SEMA3A: variants seen among roughly 807,000 people sequenced by gnomAD.
SEMA3A encodes the protein semaphorin 3A.
In SEMA3A, 29 loss-of-function variants were observed where a neutral mutation model predicts 97.9. The ratio of observed to expected loss-of-function variants is 0.30; its 90% CI spans 0.22 to 0.40. The LOEUF (loss-of-function observed/expected upper bound fraction) is 0.40, where lower values mean the gene tolerates loss of function less well. Among genes scored for constraint, SEMA3A ranks in the 10% least tolerant of loss-of-function variants. The pLI is 1.00. For missense variants in SEMA3A, 763 were observed against 951.3 expected (o/e 0.80, Z 2.60); for synonymous variants, 321 against 323.7 (o/e 0.99, Z 0.09).
intron 3 of SEMA3A, among the ~76,000 whole-genome samples, chr7:84,111,359 T>G (rs547657287): frequency 6.6e-6 from 1 of 152,292 alleles, no homozygotes; most frequent in Non-Finnish European, 1.5e-5. Flanking sequence ...ACTTTTCAAG[T>G]GAAAGCTCAG....
At chr7:84,400,431 A>T (rs1364783318) in intron 1 of SEMA3A, among the ~76,000 whole-genome samples, 1 of 152,246 alleles carries the variant, frequency 6.6e-6, no homozygotes, top group South Asian at 2.1e-4. Flanking sequence ...GATAAATTTA[A>T]CAAAGAAATT....
chr7:84,329,556 A>T (rs1801862345), intron 2 of SEMA3A, among the ~76,000 whole-genome samples: 1 of 152,050 alleles, frequency 6.6e-6, no homozygotes, highest in Non-Finnish European at 1.5e-5. Context: ...ATCAAAGAAG[A>T]AACATGCACA....
At chr7:84,293,011 A>C (rs879025771) in intron 3 of SEMA3A, among the ~76,000 whole-genome samples, 1 of 152,068 alleles carries the variant, frequency 6.6e-6, no homozygotes, top group African/African-American at 2.4e-5. Context: ...GTAGAAATTT[A>C]AAAACAGTTC....
At chr7:84,055,523 T>C (rs1792929481) in intron 5 of SEMA3A, among the ~76,000 whole-genome samples, 1 of 152,120 alleles carries the variant, frequency 6.6e-6, no homozygotes, top group African/African-American at 2.4e-5. Context: ...CCTGACCCCT[T>C]GCGCTTCCCG....
chr7:84,282,929 G>A (rs1017299263), intron 3 of SEMA3A, among the ~76,000 whole-genome samples: 5 of 152,082 alleles, frequency 3.3e-5, no homozygotes, highest in South Asian at 4.2e-4. Flanking sequence ...CAGGAGAATC[G>A]CTTGAACCTG....
At chr7:84,016,172 A>G (rs948759647) in intron 6 of SEMA3A, among the ~76,000 whole-genome samples, 4 of 152,130 alleles carry the variant, frequency 2.6e-5, no homozygotes, top group African/African-American at 4.8e-5. Flanking sequence ...GTCACAAACT[A>G]AAGAATTACT....
chr7:84,049,843 T>A (rs1792529943), intron 5 of SEMA3A, among the ~76,000 whole-genome samples: 1 of 147,590 alleles, frequency 6.8e-6, no homozygotes, highest in Non-Finnish European at 1.5e-5. Context: ...TAGGTATATC[T>A]CCCAATGCTA....
At position 84,002,064 on chromosome 7, in the gene SEMA3A, GAGA is replaced by G; in HGVS notation, c.1361-21_1361-19del. The G allele has an allele frequency of 7.0e-7, 1 of 1,434,122 alleles. No homozygotes were observed. Among genetic ancestry groups the G allele is most frequent in the Middle Eastern group, 1.8e-4 (1 of 5,712 alleles). 88.8% of individuals were successfully genotyped at this position (1,434,122 alleles called of 1,614,324 possible). A position where few individuals can be genotyped will look rare whatever the true frequency, so the allele number is the denominator to read the frequency against. On this transcript the variant is annotated intron_variant, in intron 11 of 16. Coordinates refer to ENST00000265362, the MANE Select transcript of SEMA3A (RefSeq NM_006080.3). Reference sequence around the variant, plus strand: ...CCCAACATCTTTGAAAGAAAGTGGGGAGAAGACCACAAGTTAAGTAGATCTGAA... The same window carrying G: ...CCCAACATCTTTGAAAGAAAGTGGGGAGACCACAAGTTAAGTAGATCTGAA...
At chr7:84,249,404 T>TATCTATCTATCTATCTA (rs1554351595) in intron 3 of SEMA3A, among the ~76,000 whole-genome samples, 1 of 151,950 alleles carries the variant, frequency 6.6e-6, no homozygotes, top group Admixed American at 6.6e-5. Flanking sequence ...TCTATCTATC[T>TATCTATCTATCTATCTA]ATCTATCTAT....
chr7:84,226,493 A>C (rs1407204360), intron 3 of SEMA3A, among the ~76,000 whole-genome samples: 1 of 152,118 alleles, frequency 6.6e-6, no homozygotes, highest in Non-Finnish European at 1.5e-5. Flanking sequence ...TGCAGTAAAA[A>C]TCATATCTAT....
At chr7:84,274,949 G>T (rs2115718515) in intron 3 of SEMA3A, among the ~76,000 whole-genome samples, 1 of 151,926 alleles carries the variant, frequency 6.6e-6, no homozygotes, top group East Asian at 1.9e-4. Flanking sequence ...CTTACTTGGA[G>T]CCAAGTCCAC....
intron 3 of SEMA3A, among the ~76,000 whole-genome samples, chr7:84,213,008 G>A (rs2116321967): frequency 6.6e-6 from 1 of 152,124 alleles, no homozygotes; most frequent in East Asian, 1.9e-4. Flanking sequence ...TTGTTGCCCA[G>A]GCTGGAGTGC....
intron 4 of SEMA3A, among the ~76,000 whole-genome samples, chr7:84,085,475 A>T (rs1411826816): frequency 6.6e-6 from 1 of 152,140 alleles, no homozygotes; most frequent in African/African-American, 2.4e-5. Flanking sequence ...AACTGTAGTA[A>T]GACCAGGAGA....
chr7:84,172,950 T>C (rs958871267), intron 1 of SEMA3A, among the ~76,000 whole-genome samples: 1 of 152,230 alleles, frequency 6.6e-6, no homozygotes, highest in African/African-American at 2.4e-5. Flanking sequence ...CTGAGATATG[T>C]ACCTGGGAAA....
chr7:84,143,932 CTCTCT>C (rs1796380526), intron 1 of SEMA3A, among the ~76,000 whole-genome samples: 1 of 141,606 alleles, frequency 7.1e-6, no homozygotes, highest in Non-Finnish European at 1.5e-5. Flanking sequence ...CTCTCTCTCT[CTCTCT>C]CTCTCTCTCT....
At chr7:84,135,771 C>A (rs1009675103) in intron 1 of SEMA3A, among the ~76,000 whole-genome samples, 1 of 151,910 alleles carries the variant, frequency 6.6e-6, no homozygotes, top group South Asian at 2.1e-4. Flanking sequence ...CACTGTACTG[C>A]CTAAATTCTT....
intron 3 of SEMA3A, among the ~76,000 whole-genome samples, chr7:84,281,165 T>C (rs1329901644): frequency 1.3e-5 from 2 of 152,188 alleles, no homozygotes; most frequent in African/African-American, 2.4e-5. Flanking sequence ...TATTTTTTTC[T>C]AGTTGTGAGT....
chr7:84,150,440 G>A (rs761575700), intron 1 of SEMA3A, among the ~76,000 whole-genome samples: 53 of 152,338 alleles, frequency 3.5e-4, no homozygotes, highest in Non-Finnish European at 5.6e-4. Context: ...AGCGCAAGGG[G>A]TCCGGGAGTT....
At chr7:84,322,573 C>G (rs527846711) in intron 2 of SEMA3A, among the ~76,000 whole-genome samples, 2 of 152,134 alleles carry the variant, frequency 1.3e-5, no homozygotes, top group Non-Finnish European at 2.9e-5. Context: ...TGCACAAGCT[C>G]TCTCTCTTGC....
Sources: allele counts gnomAD v4.1 joint callset (sites outside exome capture counted in the v4.1 genomes callset), GRCh38; gene constraint gnomAD v4.1.1; transcripts MANE v1.5; gene names NCBI Gene and HGNC (gene_info 2026-07-23, HGNC 2026-07-21).